ESR1: variants seen among roughly 807,000 people sequenced by gnomAD.
The protein encoded by ESR1 is estrogen receptor.
ESR1 carries 12 observed loss-of-function variants against 52.7 expected under a neutral mutation model. That is an observed-to-expected ratio of 0.23 (90% CI 0.15 to 0.37). The LOEUF is 0.37. ESR1 is among the 10% of genes least tolerant of loss of function. The pLI is 1.00. For missense variants in ESR1, 584 were observed against 779.7 expected (o/e 0.75, Z 2.99); for synonymous variants, 305 against 316.8 (o/e 0.96, Z 0.39).
chr6:152,025,861 T>A (rs2044103945), intron 5 of ESR1, among the ~76,000 whole-genome samples: 1 of 152,030 alleles, frequency 6.6e-6, no homozygotes. Flanking sequence ...TGCTCAGAAT[T>A]TTCTCAAAGC....
intron 7 of ESR1, among the ~76,000 whole-genome samples, chr6:152,097,225 TAAGCCA>T (rs1173921577): frequency 1.3e-5 from 2 of 152,044 alleles, no homozygotes; most frequent in Non-Finnish European, 2.9e-5. Context: ...GGTTCCTCAC[TAAGCCA>T]ATCTAAATCG....
At chr6:151,927,668 A>C (rs1328724654) in intron 3 of ESR1, among the ~76,000 whole-genome samples, 1 of 152,036 alleles carries the variant, frequency 6.6e-6, no homozygotes, top group African/African-American at 2.4e-5. Flanking sequence ...TCTCCAAGAG[A>C]CCAGTCGTGG....
intron 2 of ESR1, among the ~76,000 whole-genome samples, chr6:151,755,022 G>A (rs1275003137): frequency 6.6e-6 from 1 of 152,058 alleles, no homozygotes; most frequent in African/African-American, 2.4e-5. Flanking sequence ...GACCAGTCTG[G>A]CCAATAGAGA....
At chr6:152,021,610 A>T (rs992842365) in intron 5 of ESR1, among the ~76,000 whole-genome samples, 4 of 152,128 alleles carry the variant, frequency 2.6e-5, no homozygotes, top group African/African-American at 9.7e-5. Context: ...TCATGACTTT[A>T]TCATTAGAAA....
intron 1 of ESR1, among the ~76,000 whole-genome samples, chr6:151,812,076 T>A (rs1583413538): frequency 6.6e-6 from 1 of 152,266 alleles, no homozygotes; most frequent in South Asian, 2.1e-4. Context: ...TTTTAGTTTC[T>A]TATAGTTTTA....
intron 2 of ESR1, among the ~76,000 whole-genome samples, chr6:151,743,511 C>T (rs1463768841): frequency 1.3e-5 from 2 of 152,152 alleles, no homozygotes; most frequent in African/African-American, 4.8e-5. Flanking sequence ...CTCATGGCAT[C>T]CTGAACTTGG....
At chr6:152,054,675 C>T (rs961852677) in intron 5 of ESR1, among the ~76,000 whole-genome samples, 1 of 152,164 alleles carries the variant, frequency 6.6e-6, no homozygotes, top group African/African-American at 2.4e-5. Flanking sequence ...GCCCTCTTTG[C>T]CAGTTTCTCT....
upstream of ESR1, among the ~76,000 whole-genome samples, chr6:151,800,983 CT>C (rs891219493): frequency 1.3e-5 from 2 of 151,286 alleles, no homozygotes; most frequent in South Asian, 2.1e-4. Flanking sequence ...TCTCCTCTGT[CT>C]TTTTTTAAAA....
intron 3 of ESR1, among the ~76,000 whole-genome samples, chr6:151,931,491 G>A (rs897363640): frequency 6.6e-6 from 1 of 151,404 alleles, no homozygotes; most frequent in Non-Finnish European, 1.5e-5. Flanking sequence ...TAGGGTACAT[G>A]TGCACATTGT....
In ESR1 at chr6:151,850,010, TTG is replaced by T. The variant is rs1234120213; in HGVS notation, c.643+7225_643+7226del. ...TATATATATATATATATATATAATT[TTG>T]TATATATATACAAAATTATATATAT... On this transcript the variant is annotated intron_variant, in intron 2 of 7. Transcript: ENST00000206249. Among the ~76,000 whole-genome samples, 97 of 75,914 alleles carry T rather than the reference TTG, an allele frequency of 1.3e-3. 4 individuals are homozygous for T. Among genetic ancestry groups the T allele is most frequent in the African/African-American group, 3.7e-3 (87 of 23,476 alleles). The allele number at this position is 75,914 out of a possible 152,430, so 49.8% of individuals were successfully genotyped here.
chr6:151,865,892 C>T (rs1322557494), intron 2 of ESR1, among the ~76,000 whole-genome samples: 1 of 152,192 alleles, frequency 6.6e-6, no homozygotes, highest in African/African-American at 2.4e-5. Flanking sequence ...TGGAATGCAG[C>T]TTGAGAAGCC....
intron 3 of ESR1, among the ~76,000 whole-genome samples, chr6:151,942,962 G>T (rs2035252257): frequency 3.9e-5 from 6 of 152,148 alleles, no homozygotes; most frequent in Admixed American, 3.9e-4. Context: ...CATTTCAGCA[G>T]TACAGTATGG....
chr6:151,711,138 A>G (rs1312470083), intron 2 of ESR1, among the ~76,000 whole-genome samples: 1 of 152,088 alleles, frequency 6.6e-6, no homozygotes, highest in African/African-American at 2.4e-5. Flanking sequence ...TGTCTTCCAC[A>G]ATGGTTGAAC....
chr6:152,006,668 T>C (rs2042356395), intron 4 of ESR1, among the ~76,000 whole-genome samples: 2 of 152,006 alleles, frequency 1.3e-5, no homozygotes, highest in East Asian at 3.9e-4. Flanking sequence ...CACTGAGTCT[T>C]TGGCATTGAA....
At chr6:151,959,350 C>A (rs1051353069) in intron 4 of ESR1, among the ~76,000 whole-genome samples, 2 of 152,206 alleles carry the variant, frequency 1.3e-5, no homozygotes, top group African/African-American at 2.4e-5. Context: ...TGGTGCGGCA[C>A]ACATCTTTTT....
chr6:151,827,275 C>G (rs1332232036), intron 1 of ESR1, among the ~76,000 whole-genome samples: 1 of 147,982 alleles, frequency 6.8e-6, no homozygotes, highest in South Asian at 2.1e-4. Flanking sequence ...GGGAGGATCA[C>G]TTGAGTCCAG....
intron 5 of ESR1, among the ~76,000 whole-genome samples, chr6:152,028,718 G>T (rs1411659648): frequency 6.6e-6 from 1 of 152,214 alleles, no homozygotes; most frequent in Non-Finnish European, 1.5e-5. Context: ...ACCTCTGGGG[G>T]CAGGGCATAG....
chr6:151,927,882 T>C (rs1211732681), intron 3 of ESR1, among the ~76,000 whole-genome samples: 2 of 98,724 alleles, frequency 2.0e-5, no homozygotes, highest in South Asian at 2.8e-4. Flanking sequence ...TACACTTGGC[T>C]AATTTTTTTT....
In ESR1 at chr6:152,061,259, C is replaced by A; in HGVS notation, c.1369+135C>A. The A allele has an allele frequency of 1.2e-6, 1 of 855,966 alleles. No individual in the cohort carries two copies. The allele number at this position is 855,966 out of a possible 1,614,324, so 53.0% of individuals were successfully genotyped here. A position where few individuals can be genotyped will look rare whatever the true frequency, so the allele number is the denominator to read the frequency against. On this transcript the variant is annotated intron_variant, in intron 6 of 7. Coordinates refer to ENST00000206249, the MANE Select transcript of ESR1 (RefSeq NM_000125.4). This position sits in a 1 kb window ranked among gnomAD's most constrained non-coding sequence, Gnocchi z 4.3. ...ACTACTGACACACGTTTTAAAATAA[C>A]CTACCAACATTGCAGATTCCTTATA...
Sources: allele counts gnomAD v4.1 joint callset (sites outside exome capture counted in the v4.1 genomes callset), GRCh38; gene constraint gnomAD v4.1.1; non-coding constraint Gnocchi (gnomAD v3.1); transcripts MANE v1.5; gene names NCBI Gene and HGNC (gene_info 2026-07-23, HGNC 2026-07-21).